Variants in NAA60 observed in about 807,000 individuals in gnomAD.
The protein encoded by NAA60 is N-alpha-acetyltransferase 60, NatF catalytic subunit, also known as N-alpha-acetyltransferase 60.
NAA60 carries 8 observed loss-of-function variants against 26.1 expected under a neutral mutation model. That is an observed-to-expected ratio of 0.31 (90% CI 0.18 to 0.55). NAA60 has a LOEUF of 0.55. Ranked by LOEUF, NAA60 falls within the 20% of genes least tolerant of loss-of-function variation. The pLI, the probability that NAA60 is intolerant of heterozygous loss-of-function variation, is 0.93. For synonymous variants in NAA60, 131 were observed against 122.5 expected (o/e 1.07, Z -0.46); for missense variants, 290 against 311.3 (o/e 0.93, Z 0.51).
At chr16:3,461,937 AT>A (rs1166982900) in intron 2 of NAA60, among the ~76,000 whole-genome samples, 4 of 152,030 alleles carry the variant, frequency 2.6e-5, no homozygotes, top group Admixed American at 1.3e-4. Context: ...AAATACAGAA[AT>A]TAGCCAGGCA....
Position 3,443,695 on chromosome 16 carries a change from G to A in NAA60, c.-219G>A. On this transcript the variant is annotated 5_prime_UTR_variant, in exon 1 of 8. Coordinates refer to ENST00000407558, the MANE Select transcript of NAA60 (RefSeq NM_001083601.3). ...GCAACCATTTCCGCTTCCGCTGGCG[G>A]GGTCTCCTCCGTGAGCTCCGGGCCT... 1.4e-6 allele frequency: 2 copies of A among 1,407,816 alleles called. No individual in the cohort carries two copies. Among genetic ancestry groups the A allele is most frequent in the Non-Finnish European group, 1.8e-6 (2 of 1,082,010 alleles). 87.2% of individuals were successfully genotyped at this position (1,407,816 alleles called of 1,614,324 possible). A position where few individuals can be genotyped will look rare whatever the true frequency, so the allele number is the denominator to read the frequency against.
At chr16:3,461,252 A>C (rs2035374703) in intron 2 of NAA60, among the ~76,000 whole-genome samples, 1 of 152,198 alleles carries the variant, frequency 6.6e-6, no homozygotes, top group South Asian at 2.1e-4. Flanking sequence ...TGGGAGTGAT[A>C]GGAAGGGGGT....
intron 1 of NAA60, among the ~76,000 whole-genome samples, chr16:3,445,381 C>G (rs888791452): frequency 2.0e-5 from 3 of 149,400 alleles, no homozygotes; most frequent in East Asian, 4.0e-4. Context: ...TCAAATGATT[C>G]TCCTGCCTAA....
Position 3,479,491 on chromosome 16 carries a change from G to A in NAA60, c.131G>A (p.Arg44His), listed in dbSNP as rs1374516163. ...CTCAGGTACCCAGACTCATGGTATC[G>A]TGATATCACATCCAACAAGAAGTTC... ...FPIEYPDSWYRDITSNKKFFS... is the reference protein window; with the variant it reads ...FPIEYPDSWYHDITSNKKFFS... Residue 44 changes from arginine to histidine, a missense_variant, in exon 4 of 8, where the codon CGT becomes CAT. Coordinates refer to ENST00000407558, the MANE Select transcript of NAA60 (RefSeq NM_001083601.3). 2.5e-6 allele frequency: 4 copies of A among 1,614,002 alleles called. No individual in the cohort carries two copies. The highest frequency in any genetic ancestry group is 2.2e-5 in the East Asian group (1 of 44,882).
At chr16:3,445,143 G>A (rs1367310511) in intron 1 of NAA60, among the ~76,000 whole-genome samples, 5 of 152,196 alleles carry the variant, frequency 3.3e-5, no homozygotes, top group Admixed American at 1.3e-4. Flanking sequence ...CTACAGGCTA[G>A]ACCAGTCCAA....
chr16:3,471,133 T>C (rs972027883), intron 2 of NAA60, among the ~76,000 whole-genome samples: 8 of 152,144 alleles, frequency 5.3e-5, no homozygotes, highest in South Asian at 2.1e-4. Flanking sequence ...TCCCAGGACA[T>C]GAGAGATGCG....
rs376322751 is a variant in NAA60 at position 3,469,327 on chromosome 16, C to A, written c.-6-6895C>A. 4.5e-3 allele frequency among the ~76,000 whole-genome samples: 560 copies of A among 123,314 alleles called. 40 individuals are homozygous for A. Among genetic ancestry groups the A allele is most frequent in the African/African-American group, 0.016 (527 of 32,494 alleles). 80.9% of individuals were successfully genotyped at this position (123,314 alleles called of 152,430 possible). A position where few individuals can be genotyped will look rare whatever the true frequency, so the allele number is the denominator to read the frequency against. ...CTCTGACTTTGCCTTGCTGCTCCTCCCAGCACTGCCCTGGTACCCGTCCTG... is the reference window on the plus strand; with the variant it reads ...CTCTGACTTTGCCTTGCTGCTCCTCACAGCACTGCCCTGGTACCCGTCCTG... On this transcript the variant is annotated intron_variant, in intron 2 of 7. Transcript: ENST00000407558.
chr16:3,460,403 G>A (rs1023250344), intron 2 of NAA60, among the ~76,000 whole-genome samples: 3 of 151,978 alleles, frequency 2.0e-5, no homozygotes, highest in Admixed American at 6.6e-5. Flanking sequence ...TCACTCTGTC[G>A]CCCAGGCTAG....
At chr16:3,456,364 ATGAT>A (rs1362936895) in intron 2 of NAA60, among the ~76,000 whole-genome samples, 2 of 152,034 alleles carry the variant, frequency 1.3e-5, no homozygotes, top group African/African-American at 2.4e-5. Context: ...GCCTGTTTTT[ATGAT>A]TGATTGGGCT....
intron 2 of NAA60, among the ~76,000 whole-genome samples, chr16:3,475,209 C>T (rs1178219939): frequency 1.3e-5 from 2 of 152,036 alleles, no homozygotes; most frequent in African/African-American, 4.8e-5. Context: ...CCTGCCTCAG[C>T]CTCCACAGTA....
At chr16:3,460,286 A>G (rs2035297694) in intron 2 of NAA60, among the ~76,000 whole-genome samples, 1 of 152,150 alleles carries the variant, frequency 6.6e-6, no homozygotes, top group Non-Finnish European at 1.5e-5. Context: ...CGTCATCTCC[A>G]TTATCTCCCC....
intron 2 of NAA60, among the ~76,000 whole-genome samples, chr16:3,457,139 G>A (rs72778108): frequency 0.064 from 9,750 of 152,162 alleles, 411 homozygotes; most frequent in Non-Finnish European, 0.094. Flanking sequence ...ATTCTGGAAA[G>A]CTCGGAGTTG....
chr16:3,465,173 A>G (rs553619348), intron 2 of NAA60, among the ~76,000 whole-genome samples: 228 of 151,866 alleles, frequency 1.5e-3, no homozygotes, highest in Admixed American at 3.7e-3. Flanking sequence ...AGGCTGAGAC[A>G]GGAGAATGGC....
chr16:3,454,923 C>T (rs973001788), intron 2 of NAA60, among the ~76,000 whole-genome samples: 1 of 152,176 alleles, frequency 6.6e-6, no homozygotes, highest in African/African-American at 2.4e-5. Flanking sequence ...TTGAATATCT[C>T]CTGTAGTGAC....
rs577384018 is a variant in NAA60 at position 3,469,670 on chromosome 16, G to A, written c.-6-6552G>A. On this transcript the variant is annotated intron_variant, in intron 2 of 7. Coordinates refer to ENST00000407558, the MANE Select transcript of NAA60 (RefSeq NM_001083601.3). ...GGCTCAGAGCAGAGAGCACCTGCCT[G>A]GCGGGGCCTGTCTCTGACTTTGCCT... Among the ~76,000 whole-genome samples the A allele has an allele frequency of 7.9e-5, 12 of 152,226 alleles. No homozygotes were observed. The South Asian group carries it at 2.5e-3, about 32-fold the overall frequency.
chr16:3,479,565 G>A lies in NAA60; in HGVS notation c.205G>A (p.Ala69Thr). The change falls in exon 4 of 8, where the codon GCT becomes ACT. Residue 69 changes from alanine (A) to threonine (T), a missense_variant. Ala to Thr is a moderately conservative substitution (Grantham distance 58). Transcript: ENST00000407558. ...AGGTGCCATTGTGGGAATGATAGTA[G>A]CTGAAATTAAGAACAGGACCAAAAT... ...YRGAIVGMIV[A>T]EIKNRTKIHK... is the part of the protein sequence containing the mutation. 1 of 1,614,046 alleles carries A rather than the reference G, an allele frequency of 6.2e-7. No homozygotes were observed.
chr16:3,478,029 C>A (rs1242955883), intron 3 of NAA60, among the ~76,000 whole-genome samples: 1 of 148,732 alleles, frequency 6.7e-6, no homozygotes, highest in Non-Finnish European at 1.5e-5. Flanking sequence ...TGTGGCACTG[C>A]ACCCCAACCT....
chr16:3,464,294 T>C (rs2035599778), intron 2 of NAA60, among the ~76,000 whole-genome samples: 1 of 152,170 alleles, frequency 6.6e-6, no homozygotes, highest in Non-Finnish European at 1.5e-5. Context: ...ATTACAGGTG[T>C]GAGCCACCAC....
At chr16:3,457,208 G>A (rs907946736) in intron 2 of NAA60, among the ~76,000 whole-genome samples, 5 of 152,156 alleles carry the variant, frequency 3.3e-5, no homozygotes, top group African/African-American at 1.2e-4. Flanking sequence ...TATTTTAAGA[G>A]GCCCAGGCGG....
Sources: gnomAD v4.1 joint callset for allele counts (sites outside exome capture counted in the v4.1 genomes callset) on GRCh38, gnomAD v4.1.1 for gene constraint, MANE v1.5 for transcripts, NCBI Gene and HGNC (gene_info 2026-07-23, HGNC 2026-07-21) for gene names.